SLC12A6: variants seen among roughly 807,000 people sequenced by gnomAD.
The protein encoded by SLC12A6 is K-Cl cotransporter 3.
In SLC12A6, 66 loss-of-function variants were observed where a neutral mutation model predicts 135.3. The ratio of observed to expected loss-of-function variants is 0.49; its 90% CI spans 0.40 to 0.60. The LOEUF is 0.60. SLC12A6 is among the 20% of genes least tolerant of loss of function. The pLI is 0.00. For missense variants in SLC12A6, 1,058 were observed against 1,452.3 expected (o/e 0.73, Z 4.41); for synonymous variants, 513 against 508.8 (o/e 1.01, Z -0.11).
chr15:34,242,036 C>A (rs1891677906), intron 17 of SLC12A6, 66 bp downstream of exon 17: 1 of 1,230,038 alleles, frequency 8.1e-7, no homozygotes, highest in Non-Finnish European at 1.2e-6. Flanking sequence ...TTTCACTGAG[C>A]TGGCTCTAAC....
At chr15:34,295,844 CA>C (rs1397967842) in intron 2 of SLC12A6, among the ~76,000 whole-genome samples, 2 of 151,968 alleles carry the variant, frequency 1.3e-5, no homozygotes, top group Non-Finnish European at 2.9e-5. Flanking sequence ...ACTAAAAATA[CA>C]AAAAATTAGC....
At chr15:34,318,849 A>T (rs1041485934) in intron 2 of SLC12A6, 72 of 1,473,598 alleles carry the variant, frequency 4.9e-5, no homozygotes, top group Non-Finnish European at 6.4e-5. Flanking sequence ...GCCCTGAGGG[A>T]GTGGGGCGCT....
intron 2 of SLC12A6, among the ~76,000 whole-genome samples, chr15:34,334,850 T>C (rs17817854): frequency 0.048 from 7,361 of 152,264 alleles, 196 homozygotes; most frequent in Non-Finnish European, 0.062. Flanking sequence ...CTGTAAAGAA[T>C]GCTTAAGGGT....
intron 6 of SLC12A6, 22 bp from the exon 7 acceptor site, chr15:34,256,305 AGG>A (rs1892748942): frequency 6.5e-7 from 1 of 1,549,750 alleles, no homozygotes; most frequent in Non-Finnish European, 8.9e-7. Context: ...AGGAAAGGAG[AGG>A]ATTGTTACTG....
chr15:34,329,180 T>C (rs8031145), intron 2 of SLC12A6, among the ~76,000 whole-genome samples: 28,175 of 152,090 alleles, frequency 0.19, 2,918 homozygotes, highest in East Asian at 0.33. Context: ...CACGAGGGCA[T>C]TAAGCCAGAA....
At position 34,232,316 on chromosome 15, in the gene SLC12A6, C is replaced by T. The variant is rs1223284903; in HGVS notation, c.*1565G>A. 1 of 152,278 alleles carries T rather than the reference C, an allele frequency of 6.6e-6. No homozygotes were observed. The highest frequency in any genetic ancestry group is 1.5e-5 in the Non-Finnish European group (1 of 68,094). 9.4% of individuals were successfully genotyped at this position (152,278 alleles called of 1,614,324 possible). On this transcript the variant is annotated 3_prime_UTR_variant, in exon 26 of 26. Transcript: ENST00000354181. ...AATCCTGGCTCACTGCAACCTCCGC[C>T]TCCTGGGTTCAAATGATCCTCCTGC...
chr15:34,294,993 A>G (rs1895785224), intron 2 of SLC12A6, among the ~76,000 whole-genome samples: 1 of 152,254 alleles, frequency 6.6e-6, no homozygotes, highest in Non-Finnish European at 1.5e-5. Flanking sequence ...AGTGTCATGA[A>G]TAATTTTGGG....
intron 2 of SLC12A6, among the ~76,000 whole-genome samples, chr15:34,285,149 T>G (rs974344948): frequency 1.3e-5 from 2 of 152,186 alleles, no homozygotes; most frequent in Non-Finnish European, 2.9e-5. Flanking sequence ...TGTTTTAACA[T>G]GATCACAACA....
intron 3 of SLC12A6, among the ~76,000 whole-genome samples, chr15:34,266,100 T>C (rs1893499831): frequency 6.9e-6 from 1 of 144,188 alleles, no homozygotes; most frequent in South Asian, 2.2e-4. Flanking sequence ...TCCAAGCATA[T>C]CAATAAAACC....
intron 2 of SLC12A6, among the ~76,000 whole-genome samples, chr15:34,284,254 A>G (rs1012998577): frequency 6.8e-6 from 1 of 146,774 alleles, no homozygotes; most frequent in Non-Finnish European, 1.5e-5. Context: ...AGTAATGTCC[A>G]TATTACTTTC....
At chr15:34,319,674 C>T (rs1888920452) in intron 2 of SLC12A6, among the ~76,000 whole-genome samples, 1 of 151,826 alleles carries the variant, frequency 6.6e-6, no homozygotes, top group Non-Finnish European at 1.5e-5. Context: ...TGGTTCATGC[C>T]TGTAGTCCCA....
Position 34,229,901 on chromosome 15 carries a change from C to CAA in SLC12A6, c.*3978_*3979dup. ...ACTAATCACTTATGTTAAAAAGAAC[C>CAA]AAAAGACTCTTTTCTCCATGGTGGG... On this transcript the variant is annotated 3_prime_UTR_variant, in exon 26 of 26. Transcript: ENST00000354181. 1.0e-6 allele frequency: 1 copy of CAA among 1,003,340 alleles called. No individual in the cohort carries two copies. Among genetic ancestry groups the CAA allele is most frequent in the Non-Finnish European group, 1.6e-6 (1 of 637,308 alleles). 62.2% of individuals were successfully genotyped at this position (1,003,340 alleles called of 1,614,324 possible).
chr15:34,279,222 G>C (rs938571663), intron 2 of SLC12A6, among the ~76,000 whole-genome samples: 1 of 151,986 alleles, frequency 6.6e-6, no homozygotes, highest in Non-Finnish European at 1.5e-5. Flanking sequence ...GGCTGAGGCA[G>C]AGAATTGCTT....
rs1890982815 is a variant in SLC12A6 at position 34,231,982 on chromosome 15, C to T, written c.*1899G>A. ...TTGTGACACCTAGGTCAGCTTGCTC[C>T]ATGTCCTATTTAGTAATCAAAGAAG... On this transcript the variant is annotated 3_prime_UTR_variant, in exon 26 of 26. Transcript: ENST00000354181. The T allele has an allele frequency of 6.6e-6, 1 of 152,110 alleles. No homozygotes were observed. Among genetic ancestry groups the T allele is most frequent in the South Asian group, 2.1e-4 (1 of 4,822 alleles). The allele number at this position is 152,110 out of a possible 1,614,324, so 9.4% of individuals were successfully genotyped here. A position where few individuals can be genotyped will look rare whatever the true frequency, so the allele number is the denominator to read the frequency against.
At chr15:34,267,873 C>T (rs976179464) in intron 3 of SLC12A6, among the ~76,000 whole-genome samples, 3 of 151,992 alleles carry the variant, frequency 2.0e-5, no homozygotes, top group South Asian at 4.2e-4. Flanking sequence ...TTTGTTTACG[C>T]TATTTACCTA....
chr15:34,237,634 A>G (rs566174168), intron 21 of SLC12A6, 84 bp from the exon 22 acceptor site: 1 of 1,151,308 alleles, frequency 8.7e-7, no homozygotes, highest in Admixed American at 1.7e-5. Flanking sequence ...ATTGTGGTCT[A>G]GAAGAACCTT....
At chr15:34,325,695 A>G (rs1050884704) in intron 2 of SLC12A6, among the ~76,000 whole-genome samples, 1 of 152,142 alleles carries the variant, frequency 6.6e-6, no homozygotes, top group African/African-American at 2.4e-5. Flanking sequence ...AGAAAGGCAA[A>G]GAGTTCTCCA....
intron 3 of SLC12A6, among the ~76,000 whole-genome samples, chr15:34,269,561 A>T (rs1399469269): frequency 1.3e-5 from 2 of 152,198 alleles, no homozygotes. Context: ...GTACTATGTG[A>T]CTATGTGAAT....
At chr15:34,323,258 A>C (rs1262304120) in intron 2 of SLC12A6, among the ~76,000 whole-genome samples, 2 of 152,180 alleles carry the variant, frequency 1.3e-5, no homozygotes, top group African/African-American at 4.8e-5. Flanking sequence ...AACCGCTGAA[A>C]CAGTGCTCAT....
Sources: gnomAD v4.1 joint callset for allele counts (sites outside exome capture counted in the v4.1 genomes callset) on GRCh38, gnomAD v4.1.1 for gene constraint, MANE v1.5 for transcripts, NCBI Gene and HGNC (gene_info 2026-07-23, HGNC 2026-07-21) for gene names.